ATL1: variants seen among roughly 807,000 people sequenced by gnomAD.
ATL1 encodes the protein atlastin GTPase 1.
Under a neutral mutation model 75.5 loss-of-function variants are expected in ATL1, and 31 were observed. The ratio of observed to expected loss-of-function variants is 0.41; its 90% CI spans 0.31 to 0.55. ATL1 has a LOEUF of 0.55. Among genes scored for constraint, ATL1 ranks in the 20% least tolerant of loss-of-function variants. The pLI is 0.27. For synonymous variants in ATL1, 226 were observed against 233.3 expected (o/e 0.97, Z 0.28); for missense variants, 405 against 662.6 (o/e 0.61, Z 4.27).
At chr14:50,550,772 A>G (rs960033972) in intron 1 of ATL1, among the ~76,000 whole-genome samples, 2 of 152,260 alleles carry the variant, frequency 1.3e-5, no homozygotes, top group African/African-American at 4.8e-5. Context: ...AAATACATAG[A>G]AATTAAATAA....
chr14:50,576,594 G>C (rs2039008258), intron 1 of ATL1, among the ~76,000 whole-genome samples: 1 of 152,182 alleles, frequency 6.6e-6, no homozygotes, highest in Non-Finnish European at 1.5e-5. Flanking sequence ...AAAAATTTTA[G>C]AGACAGGGTC....
chr14:50,595,599 G>C lies in ATL1; in HGVS notation c.597G>C (p.Leu199=). ...HLQLFTEYGR[L]AMEETFLKPF... is the part of the protein sequence containing the mutation. ...AGCTTTTCACTGAGTATGGCAGACT[G>C]GCAATGGAGGAAACATTCCTGAAGC... is the stretch of plus-strand genomic sequence containing the variant. Residue 199 remains leucine (L), a synonymous_variant, in exon 6 of 14, where the codon CTG becomes CTC. Coordinates refer to ENST00000358385, the MANE Select transcript of ATL1 (RefSeq NM_015915.5). 1 of 1,613,710 alleles carries C rather than the reference G, an allele frequency of 6.2e-7. No individual in the cohort carries two copies. Among genetic ancestry groups the C allele is most frequent in the Non-Finnish European group, 8.5e-7 (1 of 1,179,912 alleles).
chr14:50,591,543 G>A lies in ATL1; in HGVS notation c.426G>A (p.Val142=), dbSNP rs2140205389. Residue 142 remains valine (V), a synonymous_variant, in exon 4 of 14, where the codon GTG becomes GTA. Transcript: ENST00000358385. The part of the protein sequence containing the change: ...INKPDGKKVA[V]LLMDTQGTFD... ...ACTCTTCTTGCCTGTAGGTTGCAGT[G>A]TTATTGATGGATACTCAGGGAACCT... The A allele has an allele frequency of 6.2e-7, 1 of 1,612,138 alleles. No individual in the cohort carries two copies. The highest frequency in any genetic ancestry group is 8.5e-7 in the Non-Finnish European group (1 of 1,178,414).
Position 50,613,345 on chromosome 14 carries a change from C to G in ATL1, c.717C>G (p.Arg239=). The G allele has an allele frequency of 1.2e-6, 2 of 1,611,980 alleles. No homozygotes were observed. The highest frequency in any genetic ancestry group is 1.7e-6 in the Non-Finnish European group (2 of 1,178,728). The change falls in exon 7 of 14, where the codon CGC becomes CGG. Residue 239 remains arginine, a synonymous_variant. Transcript: ENST00000358385. ...ADGGAKFLEK[R]LKVSGNQHEE... ...GTGGTGCCAAATTCTTGGAAAAACG[C>G]CTCAAGGTTTGTTAGATATTTAGGT...
intron 6 of ATL1, among the ~76,000 whole-genome samples, chr14:50,600,246 C>T (rs2039259420): frequency 6.8e-6 from 1 of 147,452 alleles, no homozygotes; most frequent in Non-Finnish European, 1.5e-5. Flanking sequence ...GATAGAGTTG[C>T]GGCTTTTGGT....
chr14:50,552,453 A>G (rs2038714425), intron 1 of ATL1, among the ~76,000 whole-genome samples: 1 of 152,232 alleles, frequency 6.6e-6, no homozygotes, highest in Admixed American at 6.5e-5. Flanking sequence ...AAAGCAATAT[A>G]CAGATGCAAT....
At chr14:50,566,596 A>G (rs992780044) in intron 1 of ATL1, among the ~76,000 whole-genome samples, 1 of 152,140 alleles carries the variant, frequency 6.6e-6, no homozygotes, top group African/African-American at 2.4e-5. Context: ...AGATGTGAGC[A>G]TATATTTATT....
chr14:50,566,541 G>A (rs1408702943), intron 1 of ATL1, among the ~76,000 whole-genome samples: 3 of 152,114 alleles, frequency 2.0e-5, no homozygotes, highest in African/African-American at 4.8e-5. Flanking sequence ...GGTCTGAAAT[G>A]GTATCTCATT....
intron 1 of ATL1, among the ~76,000 whole-genome samples, chr14:50,550,959 T>C (rs1221186606): frequency 6.6e-6 from 1 of 151,208 alleles, no homozygotes; most frequent in Non-Finnish European, 1.5e-5. Context: ...AGAGCACAAA[T>C]AGACAACCTC....
upstream of ATL1, among the ~76,000 whole-genome samples, chr14:50,555,968 G>C (rs180975683): frequency 6.6e-6 from 1 of 152,144 alleles, no homozygotes; most frequent in Non-Finnish European, 1.5e-5. Context: ...AGGAAAATGA[G>C]CATGGTGAAA....
intron 1 of ATL1, among the ~76,000 whole-genome samples, chr14:50,570,990 G>C (rs1284119322): frequency 6.6e-6 from 1 of 152,142 alleles, no homozygotes; most frequent in Non-Finnish European, 1.5e-5. Context: ...AATTTCCTCT[G>C]TGTATGCAGT....
chr14:50,581,052 T>A (rs2039050570), intron 1 of ATL1, among the ~76,000 whole-genome samples: 1 of 151,892 alleles, frequency 6.6e-6, no homozygotes, highest in Non-Finnish European at 1.5e-5. Flanking sequence ...ATATCTAATA[T>A]GAGTAATTTG....
intron 1 of ATL1, among the ~76,000 whole-genome samples, chr14:50,583,171 G>A (rs1324960542): frequency 6.6e-6 from 1 of 152,076 alleles, no homozygotes; most frequent in African/African-American, 2.4e-5. Flanking sequence ...TATGCCTACT[G>A]AAATCAAAAG....
At chr14:50,597,885 C>T (rs537226739) in intron 6 of ATL1, among the ~76,000 whole-genome samples, 4 of 152,090 alleles carry the variant, frequency 2.6e-5, no homozygotes, top group Admixed American at 2.0e-4. Context: ...TTAGTAGAGA[C>T]AGGGTTTCAC....
At chr14:50,595,005 A>C (rs2039199676) in intron 5 of ATL1, among the ~76,000 whole-genome samples, 1 of 151,690 alleles carries the variant, frequency 6.6e-6, no homozygotes, top group Admixed American at 6.6e-5. Context: ...TCTCAAAAAA[A>C]AAAAAAACAA....
In ATL1 at chr14:50,587,969, T is replaced by A. The variant is rs1204026974; in HGVS notation, c.173T>A (p.Leu58His). Residue 58 changes from leucine to histidine, a missense_variant, in exon 2 of 14, where the codon CTC becomes CAC. Physicochemically the swap from Leu to His is moderately conservative, Grantham distance 99 (BLOSUM62 -3). Around this residue, in one of 5 missense-constraint regions of ATL1, gnomAD observed 126 missense variants for 172.0 expected, o/e 0.73. Coordinates refer to ENST00000358385, the MANE Select transcript of ATL1 (RefSeq NM_015915.5). The part of the protein sequence containing the change: ...LDETALNRIL[L>H]SEAVRDKEVV... ...GAAACTGCATTAAATCGGATCCTTC[T>A]CTCGGAGGCTGTCAGAGACAAGGAG... 1 of 1,614,126 alleles carries A rather than the reference T, an allele frequency of 6.2e-7. No individual in the cohort carries two copies. The highest frequency in any genetic ancestry group is 1.1e-5 in the South Asian group (1 of 91,064).
Position 50,560,279 on chromosome 14 carries a change from G to T in ATL1, c.14G>T (p.Arg5Leu). Residue 5 changes from arginine to leucine, a missense_variant, in exon 1 of 14, where the codon CGC (arginine) becomes CTC (leucine). By Grantham distance (102) the Arg-to-Leu change is moderately radical (BLOSUM62 -2). Around this residue, in one of 5 missense-constraint regions of ATL1, gnomAD observed 126 missense variants for 172.0 expected, o/e 0.73. Transcript: ENST00000358385. Reference protein sequence around the residue: MAKNRRDRNSWGGFS... With the variant: MAKNLRDRNSWGGFS... ...TCCTGGACCACCATGGCCAAGAACC[G>T]CAGGGACAGAAACAGTTGGGGTGAG... 6.2e-7 allele frequency: 1 copy of T among 1,613,970 alleles called. No homozygotes were observed. The highest frequency in any genetic ancestry group is 1.1e-5 in the South Asian group (1 of 91,048).
intron 1 of ATL1, among the ~76,000 whole-genome samples, chr14:50,570,998 A>C (rs1156677214): frequency 6.6e-6 from 1 of 152,140 alleles, no homozygotes; most frequent in Non-Finnish European, 1.5e-5. Flanking sequence ...CTGTGTATGC[A>C]GTTGCTTTTG....
At chr14:50,549,896 C>T (rs188475923) in intron 1 of ATL1, among the ~76,000 whole-genome samples, 34 of 152,308 alleles carry the variant, frequency 2.2e-4, no homozygotes, top group Middle Eastern at 3.4e-3. Context: ...GGCATCATTC[C>T]GTATGAATGG....
Sources: gnomAD v4.1 joint callset for allele counts (sites outside exome capture counted in the v4.1 genomes callset) on GRCh38, gnomAD v4.1.1 for gene constraint, gnomAD v4.1.1 regional missense constraint, MANE v1.5 for transcripts, NCBI Gene and HGNC (gene_info 2026-07-23, HGNC 2026-07-21) for gene names.